The following ERICH1 variants were observed in gnomAD, a reference collection of about 807,000 sequenced individuals.
ERICH1 encodes the protein glutamate-rich protein 1.
A neutral mutation model predicts 39.6 loss-of-function variants in ERICH1; 56 were observed. The ratio of observed to expected loss-of-function variants is 1.41; its 90% CI spans 1.14 to 1.77. The LOEUF (loss-of-function observed/expected upper bound fraction) is 1.77. Ranked by LOEUF, ERICH1 falls within the 40% of genes most tolerant of loss-of-function variation. The probability of loss-of-function intolerance (pLI) is 0.00; values close to 1 mark genes in which losing one functional copy is unlikely to be tolerated. For missense variants in ERICH1, 826 were observed against 575.4 expected (o/e 1.44, Z -4.45); for synonymous variants, 313 against 223.6 (o/e 1.40, Z -3.57).
At chr8:657,080 C>G (rs1484191924) in intron 3 of ERICH1, among the ~76,000 whole-genome samples, 1 of 152,092 alleles carries the variant, frequency 6.6e-6, no homozygotes, top group Non-Finnish European at 1.5e-5. Context: ...CAGCAAAACT[C>G]AACAAACTGT....
chr8:669,539 G>C (rs1624146), intron 4 of ERICH1, among the ~76,000 whole-genome samples: 2,809 of 63,258 alleles, frequency 0.044, 162 homozygotes, highest in Middle Eastern at 0.17. Flanking sequence ...CCGTCTACAC[G>C]TCTGTCTGGT....
chr8:615,924 A>T (rs891452795), intron 3 of ERICH1: 1 of 152,590 alleles, frequency 6.6e-6, no homozygotes, highest in African/African-American at 2.4e-5. Flanking sequence ...CAGAGAACCT[A>T]GGGAAATTAT....
chr8:639,205 G>T (rs1433570872), intron 3 of ERICH1, among the ~76,000 whole-genome samples: 1 of 152,084 alleles, frequency 6.6e-6, no homozygotes, highest in African/African-American at 2.4e-5. Context: ...CTTGGATCTG[G>T]GTCTGAAGTG....
chr8:706,004 A>C (rs1466271936), intron 2 of ERICH1, among the ~76,000 whole-genome samples: 1 of 152,178 alleles, frequency 6.6e-6, no homozygotes, highest in Non-Finnish European at 1.5e-5. Context: ...GCACCTTCTT[A>C]ATGTTTGGAT....
intron 2 of ERICH1, among the ~76,000 whole-genome samples, chr8:700,569 G>GCGCACAGGCCCGCACAC (rs1563299967): frequency 9.0e-5 from 7 of 78,200 alleles, no homozygotes; most frequent in Middle Eastern, 0.011. Context: ...GGCCCGCACA[G>GCGCACAGGCCCGCACAC]GCGCACAGAC....
chr8:616,838 G>C (rs1270702067), intron 3 of ERICH1, among the ~76,000 whole-genome samples: 1 of 139,144 alleles, frequency 7.2e-6, no homozygotes, highest in African/African-American at 2.8e-5. Flanking sequence ...GAGAGAGAAA[G>C]AGAGAGGGAG....
chr8:679,791 G>A (rs187486362), intron 3 of ERICH1, among the ~76,000 whole-genome samples: 1 of 152,224 alleles, frequency 6.6e-6, no homozygotes, highest in African/African-American at 2.4e-5. Flanking sequence ...CAGGGCACCA[G>A]GGAGACAACG....
chr8:664,357 C>G lies in ERICH1; in HGVS notation c.*246G>C. On this transcript the variant is annotated 3_prime_UTR_variant, in exon 6 of 6. Coordinates refer to ENST00000262109, the MANE Select transcript of ERICH1 (RefSeq NM_207332.3). ...TCAATTTTTACAATAAGTAGAGAAA[C>G]AGAATCAAGTTTTATGTAGTAATTC... The G allele has an allele frequency of 8.8e-7, 1 of 1,137,214 alleles. No individual in the cohort carries two copies. Among genetic ancestry groups the G allele is most frequent in the Non-Finnish European group, 1.1e-6 (1 of 928,016 alleles). 70.4% of individuals were successfully genotyped at this position (1,137,214 alleles called of 1,614,324 possible). A position where few individuals can be genotyped will look rare whatever the true frequency, so the allele number is the denominator to read the frequency against.
At chr8:649,790 C>T (rs1169392174) in intron 3 of ERICH1, among the ~76,000 whole-genome samples, 1 of 152,204 alleles carries the variant, frequency 6.6e-6, no homozygotes, top group Non-Finnish European at 1.5e-5. Flanking sequence ...ACAGAGCAGC[C>T]GCACAGGGCG....
intron 3 of ERICH1, among the ~76,000 whole-genome samples, chr8:651,306 G>C (rs760572715): frequency 1.3e-5 from 2 of 152,208 alleles, no homozygotes; most frequent in Non-Finnish European, 2.9e-5. Context: ...GGTTGGGTGG[G>C]AGTGGGAAAA....
intron 3 of ERICH1, among the ~76,000 whole-genome samples, chr8:682,445 T>A (rs1806342928): frequency 1.3e-5 from 2 of 152,214 alleles, no homozygotes; most frequent in Admixed American, 1.3e-4. Flanking sequence ...TTTACCCTGT[T>A]GCACTGTGAC....
chr8:662,367 G>A (rs1801551671), downstream of ERICH1, among the ~76,000 whole-genome samples: 1 of 152,218 alleles, frequency 6.6e-6, no homozygotes, highest in Admixed American at 6.5e-5. Flanking sequence ...GAAGCATTTA[G>A]GCCGGGTGCA....
chr8:697,662 C>T (rs946643614), intron 2 of ERICH1, among the ~76,000 whole-genome samples: 4 of 152,312 alleles, frequency 2.6e-5, no homozygotes, highest in South Asian at 2.1e-4. Flanking sequence ...CTGCCCACCC[C>T]GCACAGTCCT....
intron 3 of ERICH1, chr8:625,777 T>C (rs546999851): frequency 2.0e-5 from 3 of 152,316 alleles, no homozygotes; most frequent in South Asian, 2.1e-4. Context: ...GTTCCGTCGT[T>C]GACTTGTGTC....
At chr8:698,805 A>C (rs1810972420) in intron 2 of ERICH1, among the ~76,000 whole-genome samples, 1 of 151,990 alleles carries the variant, frequency 6.6e-6, no homozygotes, top group Admixed American at 6.6e-5. Context: ...ATTTTGCTGG[A>C]AAAAGTGCTG....
At chr8:718,935 GTTGTGCA>G (rs1226455479) in intron 1 of ERICH1, among the ~76,000 whole-genome samples, 2 of 152,010 alleles carry the variant, frequency 1.3e-5, no homozygotes, top group Non-Finnish European at 2.9e-5. Context: ...ACCCTGGTGT[GTTGTGCA>G]TTGTGCGGCT....
chr8:653,365 G>C (rs762434141), intron 3 of ERICH1, among the ~76,000 whole-genome samples: 1 of 152,246 alleles, frequency 6.6e-6, no homozygotes, highest in Non-Finnish European at 1.5e-5. Flanking sequence ...GTCTGCGCCT[G>C]TAATAGTGGC....
At chr8:666,034 A>T (rs1802181813) in intron 5 of ERICH1, 1 of 152,266 alleles carries the variant, frequency 6.6e-6, no homozygotes, top group African/African-American at 2.4e-5. Flanking sequence ...AGCTTGACAC[A>T]GAAAACCTTT....
intron 1 of ERICH1, among the ~76,000 whole-genome samples, chr8:721,210 G>T (rs74884952): frequency 6.6e-6 from 1 of 152,018 alleles, no homozygotes; most frequent in Non-Finnish European, 1.5e-5. Flanking sequence ...CAAATAATAT[G>T]TCTAAATATT....
Sources: allele counts gnomAD v4.1 joint callset (sites outside exome capture counted in the v4.1 genomes callset), GRCh38; gene constraint gnomAD v4.1.1; transcripts MANE v1.5; gene names NCBI Gene and HGNC (gene_info 2026-07-23, HGNC 2026-07-21).